The following CCNB1 variants were observed in gnomAD, a reference collection of about 807,000 sequenced individuals.
The protein encoded by CCNB1 is cyclin B1.
Under a neutral mutation model 44.4 loss-of-function variants are expected in CCNB1, and 26 were observed. The observed-to-expected ratio is 0.59, with a 90% CI of 0.43 to 0.81. The LOEUF is 0.81. Ranked by LOEUF, CCNB1 falls within the 40% of genes least tolerant of loss-of-function variation. The pLI, the probability that CCNB1 is intolerant of heterozygous loss-of-function variation, is 0.00. For synonymous variants in CCNB1, 195 were observed against 181.4 expected (o/e 1.08, Z -0.60); for missense variants, 477 against 520.9 (o/e 0.92, Z 0.82).
Position 69,174,340 on chromosome 5 carries a change from T to A in CCNB1, c.636T>A (p.Val212=), listed in dbSNP as rs1468154682. 3 of 1,614,148 alleles carry A rather than the reference T, an allele frequency of 1.9e-6. No individual in the cohort carries two copies. ...TCCTAATTGACTGGCTAGTACAGGT[T>A]CAAATGAAATTCAGGTTGTTGCAGG... The part of the protein sequence containing the change: ...RAILIDWLVQ[V]QMKFRLLQET... The change falls in exon 5 of 9, where the codon GTT becomes GTA. Residue 212 remains valine (V), a synonymous_variant. Coordinates refer to ENST00000256442, the MANE Select transcript of CCNB1 (RefSeq NM_031966.4).
chr5:69,169,794 G>A (rs1747419047), intron 3 of CCNB1, among the ~76,000 whole-genome samples: 1 of 152,072 alleles, frequency 6.6e-6, no homozygotes, highest in African/African-American at 2.4e-5. Context: ...TGGGGCTACA[G>A]GCACATGCCA....
chr5:69,174,957 C>G lies in CCNB1; in HGVS notation c.786C>G (p.Tyr262Ter). ...MFIASKYEEM[Y>*]PPEIGDFAFV... ...TTGCAAGCAAATATGAAGAAATGTA[C>G]CCTCCAGAAATTGGTGACTTTGCTT... Residue 262 changes from tyrosine to a stop codon, truncating the protein, a stop_gained, in exon 6 of 9, where the codon TAC (tyrosine) becomes TAG (stop). Transcript: ENST00000256442. LOFTEE classifies it high-confidence loss of function. The G allele has an allele frequency of 1.2e-6, 2 of 1,614,104 alleles. No homozygotes were observed. The highest frequency in any genetic ancestry group is 1.7e-6 in the Non-Finnish European group (2 of 1,180,022).
rs527481110 is a variant in CCNB1, at chr5:69,175,472, C to T, written c.1018C>T (p.Pro340Ser). ...TMLDYDMVHFPPSQIAAGAFC... is the reference protein window; with the variant it reads ...TMLDYDMVHFSPSQIAAGAFC... ...GTTGGACTATGACATGGTGCACTTTCCTCCTTCTCAAATTGCAGCAGGAGC... is the reference window on the plus strand; with the variant it reads ...GTTGGACTATGACATGGTGCACTTTTCTCCTTCTCAAATTGCAGCAGGAGC... Residue 340 changes from proline to serine, a missense_variant, in exon 7 of 9, where the codon CCT becomes TCT. Coordinates refer to ENST00000256442, the MANE Select transcript of CCNB1 (RefSeq NM_031966.4). The T allele has an allele frequency of 6.2e-7, 1 of 1,614,028 alleles. No individual in the cohort carries two copies. Among genetic ancestry groups the T allele is most frequent in the Non-Finnish European group, 8.5e-7 (1 of 1,179,880 alleles).
At chr5:69,167,475 GAGGGAGGA>G (rs751143616) in intron 1 of CCNB1, 192 bp downstream of exon 1, 16 of 594,984 alleles carry the variant, frequency 2.7e-5, no homozygotes, top group Admixed American at 1.5e-4. Flanking sequence ...ACGATGGATG[GAGGGAGGA>G]AGGTGAGAAA....
chr5:69,168,249 TGCCAGTGCCAGTGTCTGA>T lies in CCNB1; in HGVS notation c.281_298del (p.Val94_Pro99del), dbSNP rs758742437. On this transcript the variant is annotated inframe_deletion, in exon 3 of 9. Coordinates refer to ENST00000256442, the MANE Select transcript of CCNB1 (RefSeq NM_031966.4). The stretch of plus-strand genomic sequence containing the variant: ...CCTCTTGAAAAGGTACCTATGCTGG[TGCCAGTGCCAGTGTCTGA>T]GCCAGTGCCAGAGCCAGAACCTGAG... 9 of 1,614,098 alleles carry T rather than the reference TGCCAGTGCCAGTGTCTGA, an allele frequency of 5.6e-6. No homozygotes were observed. Among genetic ancestry groups the T allele is most frequent in the Admixed American group, 5.0e-5 (3 of 60,004 alleles).
chr5:69,175,969 A>T (rs1445104939), intron 7 of CCNB1, among the ~76,000 whole-genome samples: 1 of 132,126 alleles, frequency 7.6e-6, no homozygotes, highest in Non-Finnish European at 1.6e-5. Flanking sequence ...TCATCTTTAC[A>T]AAAAATATAT....
chr5:69,173,681 G>T (rs1344339138), intron 4 of CCNB1, among the ~76,000 whole-genome samples: 6 of 152,132 alleles, frequency 3.9e-5, no homozygotes, highest in African/African-American at 1.4e-4. Context: ...GAAGGGAGTG[G>T]ACCAGCAGCA....
rs1485117160 is a variant in CCNB1 at position 69,167,936 on chromosome 5, C to G, written c.50C>G (p.Ala17Gly). Residue 17 changes from alanine to glycine, a missense_variant, in exon 2 of 9, where the codon GCG becomes GGG. Transcript: ENST00000256442. ...TCGAAAATTAATGCTGAAAATAAGGCGAAGATCAACATGGCAGGCGCAAAG... is the reference window on the plus strand; with the variant it reads ...TCGAAAATTAATGCTGAAAATAAGGGGAAGATCAACATGGCAGGCGCAAAG... The part of the protein sequence containing the change: ...RNSKINAENK[A>G]KINMAGAKRV... 2 of 1,610,904 alleles carry G rather than the reference C, an allele frequency of 1.2e-6. No individual in the cohort carries two copies. The highest frequency in any genetic ancestry group is 2.2e-5 in the East Asian group (1 of 44,882).
rs1165116240 is a variant in CCNB1 at position 69,167,955 on chromosome 5, C to A, written c.69C>A (p.Gly23=). ...ATAAGGCGAAGATCAACATGGCAGGCGCAAAGCGCGTTCCTACGGCCCCTG... is the reference window on the plus strand; with the variant it reads ...ATAAGGCGAAGATCAACATGGCAGGAGCAAAGCGCGTTCCTACGGCCCCTG... ...AENKAKINMA[G]AKRVPTAPAA... Residue 23 remains glycine (G), a synonymous_variant, in exon 2 of 9, where the codon GGC becomes GGA. Coordinates refer to ENST00000256442, the MANE Select transcript of CCNB1 (RefSeq NM_031966.4). 5 of 1,613,916 alleles carry A rather than the reference C, an allele frequency of 3.1e-6. No individual in the cohort carries two copies. The highest frequency in any genetic ancestry group is 4.5e-5 in the East Asian group (2 of 44,890).
Position 69,167,945 on chromosome 5 carries a change from A to G in CCNB1, c.59A>G (p.Asn20Ser). 1 of 1,612,976 alleles carries G rather than the reference A, an allele frequency of 6.2e-7. No individual in the cohort carries two copies. Among genetic ancestry groups the G allele is most frequent in the East Asian group, 2.2e-5 (1 of 44,886 alleles). ...AATGCTGAAAATAAGGCGAAGATCA[A>G]CATGGCAGGCGCAAAGCGCGTTCCT... Reference protein sequence around the residue: ...KINAENKAKINMAGAKRVPTA... With the variant: ...KINAENKAKISMAGAKRVPTA... Residue 20 changes from asparagine to serine, a missense_variant, in exon 2 of 9, where the codon AAC (asparagine) becomes AGC (serine). Asn to Ser is a conservative substitution (Grantham distance 46). Coordinates refer to ENST00000256442, the MANE Select transcript of CCNB1 (RefSeq NM_031966.4).
Position 69,167,284 on chromosome 5 carries a change from G to T in CCNB1, c.21+1G>T. 1 of 1,589,754 alleles carries T rather than the reference G, an allele frequency of 6.3e-7. No homozygotes were observed. Among genetic ancestry groups the T allele is most frequent in the African/African-American group, 1.3e-5 (1 of 74,154 alleles). ...AGCCATGGCGCTCCGAGTCACCAGG[G>T]TGAGCCGCTTCGGACTGCGAACTAA... On this transcript the variant is annotated splice_donor_variant, in intron 1 of 8. Coordinates refer to ENST00000256442, the MANE Select transcript of CCNB1 (RefSeq NM_031966.4). LOFTEE classifies it high-confidence loss of function.
chr5:69,167,779 G>A (rs163442), intron 1 of CCNB1, 129 bp from the exon 2 acceptor site: 333,722 of 784,966 alleles, frequency 0.43, 71,871 homozygotes, highest in South Asian at 0.55. Flanking sequence ...TGGGACCCAT[G>A]TTTTCCCTCG....
Position 69,175,231 on chromosome 5 carries a change from AGTT to A in CCNB1, c.942+122_942+124del, listed in dbSNP as rs1435473176. ...ACCTAACTACATGGGGAAGGGATAA[AGTT>A]GTTCTTTATTTCTAGTCAGGCTGCA... is the stretch of plus-strand genomic sequence containing the variant. On this transcript the variant is annotated intron_variant, in intron 6 of 8. Transcript: ENST00000256442. 9.7e-6 allele frequency: 10 copies of A among 1,033,390 alleles called. No homozygotes were observed. In the Admixed American group the frequency reaches 1.3e-4, roughly 13 times the overall value. 64.0% of individuals were successfully genotyped at this position (1,033,390 alleles called of 1,614,324 possible).
chr5:69,177,677 AC>A lies in CCNB1; in HGVS notation c.*48del. On this transcript the variant is annotated 3_prime_UTR_variant, in exon 9 of 9. Transcript: ENST00000256442. The stretch of plus-strand genomic sequence containing the variant: ...TACTATATTTACAAATAAAATTGGC[AC>A]CATGTGCCATCTGTACATATTACTG... 53 of 1,160,600 alleles carry A rather than the reference AC, an allele frequency of 4.6e-5. No individual in the cohort carries two copies. Among genetic ancestry groups the A allele is most frequent in the Non-Finnish European group, 6.3e-5 (49 of 775,726 alleles). 71.9% of individuals were successfully genotyped at this position (1,160,600 alleles called of 1,614,324 possible). A position where few individuals can be genotyped will look rare whatever the true frequency, so the allele number is the denominator to read the frequency against.
intron 4 of CCNB1, among the ~76,000 whole-genome samples, chr5:69,173,951 G>A (rs995688406): frequency 1.1e-4 from 16 of 151,916 alleles, no homozygotes; most frequent in African/African-American, 3.9e-4. Context: ...TGTATTTTTA[G>A]TAAAGACAGG....
rs1332224525 is a variant in CCNB1 at position 69,177,845 on chromosome 5, G to C, written c.*214G>C. On this transcript the variant is annotated 3_prime_UTR_variant, in exon 9 of 9. Coordinates refer to ENST00000256442, the MANE Select transcript of CCNB1 (RefSeq NM_031966.4). ...GGGGATATTTTTAAAAACTCCTTTT[G>C]GTTTACCTGGGGATCCAATTGATGT... 1 of 467,684 alleles carries C rather than the reference G, an allele frequency of 2.1e-6. No individual in the cohort carries two copies. Among genetic ancestry groups the C allele is most frequent in the African/African-American group, 2.0e-5 (1 of 50,758 alleles). The allele number at this position is 467,684 out of a possible 1,614,324, so 29.0% of individuals were successfully genotyped here.
In CCNB1 at chr5:69,173,662, CTT is replaced by C. The variant is rs759886468; in HGVS notation, c.547-587_547-586del. 4.6e-5 allele frequency among the ~76,000 whole-genome samples: 7 copies of C among 152,236 alleles called. 1 individual carries two copies. In the South Asian group the frequency reaches 1.2e-3, roughly 27 times the overall value. On this transcript the variant is annotated intron_variant, in intron 4 of 8. Coordinates refer to ENST00000256442, the MANE Select transcript of CCNB1 (RefSeq NM_031966.4). The stretch of plus-strand genomic sequence containing the variant: ...AAGATCTGAGATGATAATGTAGTAT[CTT>C]TATTTGGAAGGGAGTGGACCAGCAG...
Position 69,167,232 on chromosome 5 carries a change from C to A in CCNB1, c.-31C>A, listed in dbSNP as rs1274567672. The A allele has an allele frequency of 6.4e-7, 1 of 1,556,362 alleles. No homozygotes were observed. The highest frequency in any genetic ancestry group is 1.2e-5 in the South Asian group (1 of 83,694). On this transcript the variant is annotated 5_prime_UTR_variant, in exon 1 of 9. Coordinates refer to ENST00000256442, the MANE Select transcript of CCNB1 (RefSeq NM_031966.4). ...GGGCCTCCGGTGTTCTGCTTCTCCC[C>A]GCTGAGCTGCTGCCTGGTGAAGAGG...
chr5:69,174,950 A>C lies in CCNB1; in HGVS notation c.779A>C (p.Glu260Ala). 1 of 1,614,200 alleles carries C rather than the reference A, an allele frequency of 6.2e-7. No individual in the cohort carries two copies. Among genetic ancestry groups the C allele is most frequent in the Non-Finnish European group, 8.5e-7 (1 of 1,180,042 alleles). Residue 260 changes from glutamate (E) to alanine (A), a missense_variant, in exon 6 of 9, where the codon GAA (glutamate) becomes GCA (alanine). Glu to Ala is a moderately radical substitution (Grantham distance 107, BLOSUM62 -1). Transcript: ENST00000256442. ...TAMFIASKYE[E>A]MYPPEIGDFA... ...ATGTTTATTGCAAGCAAATATGAAGAAATGTACCCTCCAGAAATTGGTGAC... is the reference window on the plus strand; with the variant it reads ...ATGTTTATTGCAAGCAAATATGAAGCAATGTACCCTCCAGAAATTGGTGAC...
Sources: allele counts gnomAD v4.1 joint callset (sites outside exome capture counted in the v4.1 genomes callset), GRCh38; gene constraint gnomAD v4.1.1; transcripts MANE v1.5; gene names NCBI Gene and HGNC (gene_info 2026-07-23, HGNC 2026-07-21).